NID2: variants seen among roughly 807,000 people sequenced by gnomAD.
NID2 encodes the protein nidogen 2, also known as nidogen-2.
NID2 carries 83 observed loss-of-function variants against 145.4 expected under a neutral mutation model. That is an observed-to-expected ratio of 0.57 (90% CI 0.48 to 0.69). NID2 has a LOEUF of 0.69. Among genes scored for constraint, NID2 ranks in the 30% least tolerant of loss-of-function variants. The pLI is 0.00. For synonymous variants in NID2, 739 were observed against 701.3 expected (o/e 1.05, Z -0.85); for missense variants, 1,807 against 1,765.7 (o/e 1.02, Z -0.42).
Position 52,037,863 on chromosome 14 carries a change from C to A in NID2, c.2257+884G>T, listed in dbSNP as rs534578326. On this transcript the variant is annotated intron_variant, in intron 9 of 21. Transcript: ENST00000216286. ...GATGCAATGTACAAGTACTGCACTT[C>A]TTTTTAAAAATTTATCTCTTTTTGA... 3.9e-5 allele frequency among the ~76,000 whole-genome samples: 6 copies of A among 152,302 alleles called. No homozygotes were observed. The South Asian group carries it at 1.2e-3, about 32-fold the overall frequency.
intron 17 of NID2, 54 bp downstream of exon 17, chr14:52,011,500 C>A: frequency 6.2e-7 from 1 of 1,610,794 alleles, no homozygotes; most frequent in Non-Finnish European, 8.5e-7. Context: ...GTAAAGTAGA[C>A]AAGTGACTTT....
At chr14:52,052,048 G>A (rs1892698232) in intron 5 of NID2, among the ~76,000 whole-genome samples, 1 of 152,076 alleles carries the variant, frequency 6.6e-6, no homozygotes, top group Non-Finnish European at 1.5e-5. Flanking sequence ...CTCTTCCCAG[G>A]GAAGGAAATC....
chr14:52,067,972 C>A lies in NID2; in HGVS notation c.420G>T (p.Val140=). ...GCGCAGAGCGCGGGAAGCCAGCGCG[C>A]ACATAGCGGGCGGCCAGGCCCAGCA... ...PAVLGLAARY[V]RAGFPRSARF... is the part of the protein sequence containing the mutation. The change falls in exon 2 of 22, where the codon GTG becomes GTT. Residue 140 remains valine (V), a synonymous_variant. Coordinates refer to ENST00000216286, the MANE Select transcript of NID2 (RefSeq NM_007361.4). 6.2e-7 allele frequency: 1 copy of A among 1,611,272 alleles called. No homozygotes were observed. Among genetic ancestry groups the A allele is most frequent in the Non-Finnish European group, 8.5e-7 (1 of 1,178,812 alleles).
intron 12 of NID2, among the ~76,000 whole-genome samples, chr14:52,022,718 C>G (rs1219384101): frequency 2.0e-5 from 3 of 152,212 alleles, no homozygotes; most frequent in Non-Finnish European, 4.4e-5. Context: ...GTTAAAAATC[C>G]TTCGAGTTCA....
At chr14:52,068,660 G>T in intron 1 of NID2, 107 bp downstream of exon 1, 1 of 972,100 alleles carries the variant, frequency 1.0e-6, no homozygotes, top group Non-Finnish European at 1.6e-6. Context: ...GGTGCTGGGG[G>T]GCTCCAGGAG....
chr14:52,062,682 A>G (rs1325499492), intron 2 of NID2, among the ~76,000 whole-genome samples: 2 of 152,178 alleles, frequency 1.3e-5, no homozygotes, highest in South Asian at 2.1e-4. Flanking sequence ...GAGAAATTCC[A>G]TAAGATAAGG....
chr14:52,036,989 T>C (rs1316423303), intron 9 of NID2, among the ~76,000 whole-genome samples: 1 of 152,262 alleles, frequency 6.6e-6, no homozygotes, highest in Non-Finnish European at 1.5e-5. Flanking sequence ...AAAATTTTGA[T>C]GACACCCAGT....
chr14:52,011,817 C>T (rs1891041463), intron 16 of NID2, 134 bp from the exon 17 acceptor site: 1 of 1,089,964 alleles, frequency 9.2e-7, no homozygotes, highest in Non-Finnish European at 1.3e-6. Flanking sequence ...AGCAGAGTAG[C>T]TGGACATGTG....
chr14:52,038,663 T>G, intron 9 of NID2, 84 bp downstream of exon 9: 1 of 1,084,132 alleles, frequency 9.2e-7, no homozygotes, highest in Non-Finnish European at 1.3e-6. Flanking sequence ...TGGCACTAGG[T>G]AACCCTTAGT....
At chr14:52,019,967 G>T (rs1891342661) in intron 13 of NID2, 92 bp downstream of exon 13, 2 of 1,531,790 alleles carry the variant, frequency 1.3e-6, no homozygotes, top group Non-Finnish European at 1.8e-6. Context: ...CAAGGCTCCA[G>T]ACCAGGCTAA....
At chr14:52,007,740 G>T in intron 19 of NID2, 70 bp downstream of exon 19, 1 of 1,339,242 alleles carries the variant, frequency 7.5e-7, no homozygotes, top group Non-Finnish European at 1.1e-6. Context: ...TCATTTTGTA[G>T]TAAAATCTGT....
In NID2 at chr14:52,042,842, C is replaced by T. The variant is rs1471879994; in HGVS notation, c.1519G>A (p.Gly507Ser). Residue 507 changes from glycine to serine, a missense_variant, in exon 6 of 22, where the codon GGC becomes AGC. Physicochemically the swap from Gly to Ser is moderately conservative, Grantham distance 56. Coordinates refer to ENST00000216286, the MANE Select transcript of NID2 (RefSeq NM_007361.4). ...RHAFCTDYAT[G>S]FCCHCQSKFY... ...TTGGATTGGCAGTGGCAGCAGAAGC[C>T]AGTGGCATAGTCCGTGCAGAAGGCA... 2 of 1,614,062 alleles carry T rather than the reference C, an allele frequency of 1.2e-6. No homozygotes were observed. The highest frequency in any genetic ancestry group is 2.7e-5 in the African/African-American group (2 of 74,908).
Position 52,060,211 on chromosome 14 carries a change from A to G in NID2, c.680T>C (p.Phe227Ser), listed in dbSNP as rs1360229377. ...CAGATCATCAGCCTCCCCTCGGCAG[A>G]AGCCCACCCGAGCTGGAAGCTGAAG... ...VQLQLPARVG[F>S]CRGEADDLKS... The change falls in exon 3 of 22, where the codon TTC (phenylalanine) becomes TCC (serine). Residue 227 changes from phenylalanine to serine, a missense_variant. Coordinates refer to ENST00000216286, the MANE Select transcript of NID2 (RefSeq NM_007361.4). 6.2e-7 allele frequency: 1 copy of G among 1,614,120 alleles called. No homozygotes were observed. Among genetic ancestry groups the G allele is most frequent in the South Asian group, 1.1e-5 (1 of 91,074 alleles).
intron 5 of NID2, among the ~76,000 whole-genome samples, chr14:52,045,998 C>T (rs1055030852): frequency 9.2e-5 from 14 of 152,208 alleles, no homozygotes; most frequent in African/African-American, 3.4e-4. Flanking sequence ...TTCTGAACAC[C>T]AAGTAAAAAG....
rs779837838 is a variant in NID2, at chr14:52,038,826, C to T, written c.2178G>A (p.Val726=). 1.2e-5 allele frequency: 19 copies of T among 1,613,648 alleles called. No homozygotes were observed. The highest frequency in any genetic ancestry group is 4.2e-6 in the Non-Finnish European group (5 of 1,179,920). ...CATTATACAAGGCAAAGACCCGGTC[C>T]ACGTTCAGCTGCTGGGTGGTGGGGA... ...PSFPTTQQLN[V]DRVFALYNDE... The change falls in exon 9 of 22, where the codon GTG becomes GTA. Residue 726 remains valine, a synonymous_variant. Coordinates refer to ENST00000216286, the MANE Select transcript of NID2 (RefSeq NM_007361.4).
Position 52,005,133 on chromosome 14 carries a change from A to C in NID2, c.*353T>G. The C allele has an allele frequency of 5.2e-6, 1 of 191,090 alleles. No homozygotes were observed. Among genetic ancestry groups the C allele is most frequent in the Non-Finnish European group, 1.1e-5 (1 of 93,758 alleles). The allele number at this position is 191,090 out of a possible 1,614,324, so 11.8% of individuals were successfully genotyped here. ...TGCTTTAATTTCTTGGCCAGAAGGA[A>C]TCCATGGCAAAAATCAGGTTTAGAG... On this transcript the variant is annotated 3_prime_UTR_variant, in exon 22 of 22. Coordinates refer to ENST00000216286, the MANE Select transcript of NID2 (RefSeq NM_007361.4).
intron 14 of NID2, among the ~76,000 whole-genome samples, chr14:52,018,453 C>G (rs1891291214): frequency 1.3e-5 from 2 of 152,144 alleles, no homozygotes; most frequent in Admixed American, 1.3e-4. Flanking sequence ...GGGGAATGCT[C>G]TAGATGGTAG....
At chr14:52,055,053 A>G (rs1329921468) in intron 3 of NID2, among the ~76,000 whole-genome samples, 1 of 152,222 alleles carries the variant, frequency 6.6e-6, no homozygotes, top group Non-Finnish European at 1.5e-5. Flanking sequence ...CCAAATGACT[A>G]CGACATACTT....
At position 52,059,490 on chromosome 14, in the gene NID2, A is replaced by T. The variant is rs1892957253; in HGVS notation, c.767+634T>A. Among the ~76,000 whole-genome samples the T allele has an allele frequency of 2.0e-5, 3 of 152,314 alleles. No individual in the cohort carries two copies. In the South Asian group the frequency reaches 6.2e-4, roughly 32 times the overall value. On this transcript the variant is annotated intron_variant, in intron 3 of 21. Coordinates refer to ENST00000216286, the MANE Select transcript of NID2 (RefSeq NM_007361.4). ...TGAAGTCAATAAATATCCTACTGGC[A>T]CTATCTGTACTGGCAAAATGCAGAA...
Sources: gnomAD v4.1 joint callset for allele counts (sites outside exome capture counted in the v4.1 genomes callset) on GRCh38, gnomAD v4.1.1 for gene constraint, MANE v1.5 for transcripts, NCBI Gene and HGNC (gene_info 2026-07-23, HGNC 2026-07-21) for gene names.